AGL: variants seen among roughly 807,000 people sequenced by gnomAD.
The protein encoded by AGL is glycogen debranching enzyme.
Under a neutral mutation model 199.3 loss-of-function variants are expected in AGL, and 128 were observed. That is an observed-to-expected ratio of 0.64 (90% CI 0.56 to 0.74). AGL has a LOEUF of 0.74. Among genes scored for constraint, AGL ranks in the 30% least tolerant of loss-of-function variants. The pLI, the probability that AGL is intolerant of heterozygous loss-of-function variation, is 0.00. For synonymous variants in AGL, 584 were observed against 594.7 expected (o/e 0.98, Z 0.26); for missense variants, 1,809 against 1,820.8 (o/e 0.99, Z 0.12).
intron 31 of AGL, 54 bp from the exon 32 acceptor site, chr1:99,916,356 T>G: frequency 7.3e-7 from 1 of 1,371,980 alleles, no homozygotes; most frequent in East Asian, 2.3e-5. Context: ...TCTAATGCTT[T>G]TTACATAATA....
rs746250061 is a variant in AGL at position 99,880,636 on chromosome 1, A to G, written c.1740A>G (p.Ala580=). 1 of 1,613,900 alleles carries G rather than the reference A, an allele frequency of 6.2e-7. No individual in the cohort carries two copies. The highest frequency in any genetic ancestry group is 2.2e-5 in the East Asian group (1 of 44,860). The change falls in exon 14 of 34, where the codon GCA becomes GCG. Residue 580 remains alanine, a synonymous_variant. Transcript: ENST00000361915. The part of the protein sequence containing the change: ...RLGISSLIRE[A]MSAYNSHEEG... Reference sequence around the variant, plus strand: ...ATATTCTGTAATGCTCTGCAGAGGCAATGAGTGCATATAATAGTCATGAAG... The same window carrying G: ...ATATTCTGTAATGCTCTGCAGAGGCGATGAGTGCATATAATAGTCATGAAG...
At chr1:99,913,456 T>C in intron 29 of AGL, 71 bp from the exon 30 acceptor site, 1 of 1,245,074 alleles carries the variant, frequency 8.0e-7, no homozygotes, top group Non-Finnish European at 1.2e-6. Flanking sequence ...TAAATATTAC[T>C]ATTTGTCTGT....
Position 99,881,664 on chromosome 1 carries a change from A to G in AGL, c.2281A>G (p.Lys761Glu). ...FRNPKTSFYS[K>E]EVPQMCIPGK... ...GAATCCCAAGACTTCATTTTACAGC[A>G]AGGAAGTGCCTCAAATGTGCATCCC... Residue 761 changes from lysine (K) to glutamate (E), a missense_variant, in exon 17 of 34, where the codon AAG becomes GAG. Physicochemically the swap from Lys to Glu is moderately conservative, Grantham distance 56 (BLOSUM62 1). Transcript: ENST00000361915. 6.2e-7 allele frequency: 1 copy of G among 1,614,008 alleles called. No individual in the cohort carries two copies.
chr1:99,876,370 A>G (rs1651530894), intron 10 of AGL, 88 bp from the exon 11 acceptor site: 1 of 1,035,012 alleles, frequency 9.7e-7, no homozygotes. Context: ...TATTCATTAG[A>G]AAAGAAGTTT....
intron 25 of AGL, among the ~76,000 whole-genome samples, chr1:99,899,113 C>G (rs1653585341): frequency 6.6e-6 from 1 of 152,114 alleles, no homozygotes; most frequent in African/African-American, 2.4e-5. Flanking sequence ...AGCTAGTATT[C>G]TGACCTTTTC....
At chr1:99,912,640 A>G in intron 29 of AGL, 123 bp downstream of exon 29, 2 of 768,348 alleles carry the variant, frequency 2.6e-6, no homozygotes, top group South Asian at 1.7e-5. Flanking sequence ...GAAGAAAGAA[A>G]ATTCATTAAT....
chr1:99,897,221 A>G (rs1031363550), intron 25 of AGL, among the ~76,000 whole-genome samples: 1 of 152,214 alleles, frequency 6.6e-6, no homozygotes, highest in African/African-American at 2.4e-5. Context: ...ACACATCAGT[A>G]GTGTCACCCT....
chr1:99,868,766 A>G (rs1650745301), intron 5 of AGL, among the ~76,000 whole-genome samples: 2 of 151,648 alleles, frequency 1.3e-5, no homozygotes, highest in African/African-American at 4.8e-5. Context: ...CTCCTGGGTG[A>G]TGGAGAAAGA....
rs546216099 is a variant in AGL, at chr1:99,901,109, T to C, written c.3588+248T>C. Among the ~76,000 whole-genome samples, 33 of 151,766 alleles carry C rather than the reference T, an allele frequency of 2.2e-4. No homozygotes were observed. In the South Asian group the frequency reaches 4.8e-3, roughly 22 times the overall value. On this transcript the variant is annotated intron_variant, in intron 26 of 33. Coordinates refer to ENST00000361915, the MANE Select transcript of AGL (RefSeq NM_000642.3). ...ATTGCAATAGATTGTAGAGGAAGTG[T>C]TGTGTAGTCTCTTAAAAGAGAGAGA...
rs751125182 is a variant in AGL at position 99,910,741 on chromosome 1, G to A, written c.3730G>A (p.Glu1244Lys). 2 of 1,609,846 alleles carry A rather than the reference G, an allele frequency of 1.2e-6. No homozygotes were observed. The highest frequency in any genetic ancestry group is 2.2e-5 in the East Asian group (1 of 44,768). Residue 1244 changes from glutamate to lysine, a missense_variant, in exon 28 of 34, where the codon GAA becomes AAA. By Grantham distance (56) the Glu-to-Lys change is moderately conservative. Transcript: ENST00000361915. ...GFNITAGVDE[E>K]TGFVYGGNRF... ...TAATATAACTGCAGGAGTTGATGAAGAAACAGGATTTGTTTATGGAGGAAA... is the reference window on the plus strand; with the variant it reads ...TAATATAACTGCAGGAGTTGATGAAAAAACAGGATTTGTTTATGGAGGAAA...
At chr1:99,911,555 G>A (rs1293605588) in intron 28 of AGL, among the ~76,000 whole-genome samples, 1 of 152,036 alleles carries the variant, frequency 6.6e-6, no homozygotes, top group Non-Finnish European at 1.5e-5. Flanking sequence ...CAATTCTCCT[G>A]TCTCAGCCTC....
chr1:99,915,565 T>TTTTTTTTTTTTATTTTA, intron 31 of AGL, 79 bp downstream of exon 31: 1 of 1,190,570 alleles, frequency 8.4e-7, no homozygotes. Flanking sequence ...TTTTTTTTTT[T>TTTTTTTTTTTTATTTTA]TGCCAGGGCA....
intron 22 of AGL, 117 bp downstream of exon 22, chr1:99,891,473 C>A: frequency 6.6e-7 from 1 of 1,504,792 alleles, no homozygotes; most frequent in Non-Finnish European, 9.2e-7. Context: ...CTTCCTTCAT[C>A]ATCTTTCAGT....
chr1:99,859,020 T>G (rs1053171256), intron 2 of AGL, among the ~76,000 whole-genome samples: 1 of 152,166 alleles, frequency 6.6e-6, no homozygotes, highest in Admixed American at 6.5e-5. Context: ...AGATGAGTTT[T>G]AACCTTTGCT....
At chr1:99,899,542 T>C (rs199718082) in intron 25 of AGL, among the ~76,000 whole-genome samples, 1,885 of 75,482 alleles carry the variant, frequency 0.025, 25 homozygotes, top group Middle Eastern at 0.12. Context: ...CTCTCTCTCT[T>C]TCTCTCTCTC....
intron 21 of AGL, among the ~76,000 whole-genome samples, chr1:99,890,563 T>A (rs542852548): frequency 6.6e-6 from 1 of 152,066 alleles, no homozygotes. Context: ...GATGCCAATA[T>A]AATTTTTAAG....
intron 4 of AGL, 83 bp from the exon 5 acceptor site, chr1:99,864,303 A>C: frequency 4.8e-6 from 6 of 1,251,278 alleles, no homozygotes; most frequent in Non-Finnish European, 7.0e-6. Context: ...TTACTTAAGA[A>C]AGTTTAAATT....
At chr1:99,874,513 GCA>G in intron 7 of AGL, 172 bp from the exon 8 acceptor site, 1 of 633,796 alleles carries the variant, frequency 1.6e-6, no homozygotes, top group South Asian at 1.9e-5. Flanking sequence ...GCACGCACGT[GCA>G]CACACGTGCA....
intron 20 of AGL, among the ~76,000 whole-genome samples, chr1:99,887,682 A>G (rs1179615291): frequency 2.0e-5 from 3 of 152,186 alleles, no homozygotes; most frequent in East Asian, 3.9e-4. Flanking sequence ...ACAGATTTAT[A>G]AGATAAAGGA....
Sources: gnomAD v4.1 joint callset for allele counts (sites outside exome capture counted in the v4.1 genomes callset) on GRCh38, gnomAD v4.1.1 for gene constraint, MANE v1.5 for transcripts, NCBI Gene and HGNC (gene_info 2026-07-23, HGNC 2026-07-21) for gene names.